Variants in CFAP299 observed in about 807,000 individuals in gnomAD.
CFAP299 encodes cilia and flagella associated protein 299.
CFAP299 carries 21 observed loss-of-function variants against 27.0 expected under a neutral mutation model. The ratio of observed to expected loss-of-function variants is 0.78; its 90% CI spans 0.55 to 1.12. The LOEUF (loss-of-function observed/expected upper bound fraction) is 1.12, where lower values mean the gene tolerates loss of function less well. Ranked by LOEUF, CFAP299 falls within the 50% of genes most tolerant of loss-of-function variation. The pLI, the probability that CFAP299 is intolerant of heterozygous loss-of-function variation, is 0.00. For synonymous variants in CFAP299, 104 were observed against 98.1 expected, an observed-to-expected ratio of 1.06 and a Z score of -0.36; for missense variants, 310 against 276.6, an observed-to-expected ratio of 1.12 and a Z score of -0.86.
chr4:80,340,491 T>C (rs1295030806), intron 1 of CFAP299, among the ~76,000 whole-genome samples: 1 of 152,106 alleles, frequency 6.6e-6, no homozygotes, highest in African/African-American at 2.4e-5. Context: ...CTCTAGGAGA[T>C]TCAGGGAGTC....
intron 2 of CFAP299, among the ~76,000 whole-genome samples, chr4:80,549,528 A>C (rs1734399782): frequency 6.6e-6 from 1 of 152,170 alleles, no homozygotes; most frequent in African/African-American, 2.4e-5. Flanking sequence ...TTTTAGAAAC[A>C]CTGGGTTAAG....
rs146508488 is a variant in CFAP299, at chr4:80,403,255, A to G, written c.242+40371A>G. Among the ~76,000 whole-genome samples the G allele has an allele frequency of 6.2e-3, 940 of 152,354 alleles. 2 individuals are homozygous for G. Among genetic ancestry groups the G allele is most frequent in the Middle Eastern group, 0.024 (7 of 294 alleles). On this transcript the variant is annotated intron_variant, in intron 2 of 5. Coordinates refer to ENST00000358105, the MANE Select transcript of CFAP299 (RefSeq NM_152770.3). ...AGTAGTCTTGGAGAAGCTCACAACA[A>G]TAAATAAATTTGTTTACATAAGTGC...
chr4:80,789,018 G>T (rs977300283), intron 3 of CFAP299, among the ~76,000 whole-genome samples: 9 of 152,036 alleles, frequency 5.9e-5, no homozygotes. Context: ...TCACTTGAGG[G>T]TTGCTGAAAT....
chr4:80,653,189 T>C (rs1355365317), intron 3 of CFAP299, among the ~76,000 whole-genome samples: 1 of 152,110 alleles, frequency 6.6e-6, no homozygotes, highest in Non-Finnish European at 1.5e-5. Context: ...TTCATACTTA[T>C]CCAAAACCTC....
rs141103842 is a variant in CFAP299, at chr4:80,862,021, C to G, written c.334-7972C>G. Among the ~76,000 whole-genome samples the G allele has an allele frequency of 3.7e-3, 557 of 152,180 alleles. 3 individuals carry two copies. The highest frequency in any genetic ancestry group is 0.013 in the African/African-American group (542 of 41,512). On this transcript the variant is annotated intron_variant, in intron 3 of 5. Coordinates refer to ENST00000358105, the MANE Select transcript of CFAP299 (RefSeq NM_152770.3). Reference sequence around the variant, plus strand: ...TGGACATCCTAGAACATTTTGGATACTAATATTGAGACAAGATATTCTTAA... The same window carrying G: ...TGGACATCCTAGAACATTTTGGATAGTAATATTGAGACAAGATATTCTTAA...
intron 2 of CFAP299, among the ~76,000 whole-genome samples, chr4:80,487,974 C>T (rs983402684): frequency 2.0e-5 from 3 of 152,132 alleles, no homozygotes; most frequent in Non-Finnish European, 4.4e-5. Context: ...TAGCATATAG[C>T]ACCTCCAAAT....
At chr4:80,497,134 G>T (rs1731490411) in intron 2 of CFAP299, among the ~76,000 whole-genome samples, 1 of 152,108 alleles carries the variant, frequency 6.6e-6, no homozygotes, top group Non-Finnish European at 1.5e-5. Context: ...AACAGGCATG[G>T]TGGCACACAC....
intron 5 of CFAP299, among the ~76,000 whole-genome samples, chr4:80,952,668 T>A (rs1737844057): frequency 6.6e-6 from 1 of 152,192 alleles, no homozygotes; most frequent in Non-Finnish European, 1.5e-5. Context: ...AAATTAAAAA[T>A]AAATTCAACT....
At chr4:80,559,127 T>G (rs1181278911) in intron 2 of CFAP299, among the ~76,000 whole-genome samples, 1 of 152,154 alleles carries the variant, frequency 6.6e-6, no homozygotes, top group East Asian at 1.9e-4. Context: ...CTTCTTTAGT[T>G]ATATATCTCC....
chr4:80,875,664 C>CAAA (rs199860402), intron 4 of CFAP299, among the ~76,000 whole-genome samples: 2 of 90,786 alleles, frequency 2.2e-5, no homozygotes, highest in African/African-American at 3.7e-5. Flanking sequence ...AACTCTGTCT[C>CAAA]AAAAAAAAAA....
intron 3 of CFAP299, among the ~76,000 whole-genome samples, chr4:80,735,134 G>A (rs1202039636): frequency 2.0e-5 from 3 of 151,942 alleles, no homozygotes. Context: ...TTTCACCAGT[G>A]TTTTATAATT....
Position 80,460,847 on chromosome 4 carries a change from A to T in CFAP299, c.242+97963A>T, listed in dbSNP as rs151305475. Among the ~76,000 whole-genome samples, 444 of 152,320 alleles carry T rather than the reference A, an allele frequency of 2.9e-3. 4 individuals are homozygous for T. The highest frequency in any genetic ancestry group is 0.01 in the African/African-American group (428 of 41,574). On this transcript the variant is annotated intron_variant, in intron 2 of 5. Transcript: ENST00000358105. ...GTCAAACTCTGTAAAATATTTGAAG[A>T]GACTTATTCTGAGCCAAATATGAAT...
intron 3 of CFAP299, among the ~76,000 whole-genome samples, chr4:80,813,210 GCA>G (rs1729246475): frequency 6.6e-6 from 1 of 151,808 alleles, no homozygotes; most frequent in South Asian, 2.1e-4. Flanking sequence ...ACACATATTT[GCA>G]CAGAGAAAAT....
chr4:80,726,787 A>ACC, intron 3 of CFAP299, among the ~76,000 whole-genome samples: 1 of 152,208 alleles, frequency 6.6e-6, no homozygotes. Flanking sequence ...GTTGATTTAA[A>ACC]TTAAATCTGA....
At chr4:80,432,334 G>T (rs1336738817) in intron 2 of CFAP299, among the ~76,000 whole-genome samples, 1 of 151,750 alleles carries the variant, frequency 6.6e-6, no homozygotes, top group Admixed American at 6.6e-5. Context: ...GTATTTTTTA[G>T]TAGAGACGGG....
At chr4:80,479,116 A>C (rs2110125042) in intron 2 of CFAP299, among the ~76,000 whole-genome samples, 1 of 152,140 alleles carries the variant, frequency 6.6e-6, no homozygotes, top group East Asian at 1.9e-4. Flanking sequence ...AAACCTAAGA[A>C]ATGATATAAC....
intron 5 of CFAP299, among the ~76,000 whole-genome samples, chr4:80,962,843 C>A (rs1405389083): frequency 1.3e-5 from 2 of 151,920 alleles, no homozygotes; most frequent in Non-Finnish European, 2.9e-5. Context: ...CTTTTAGAAT[C>A]ATTTTTTTTC....
intron 3 of CFAP299, among the ~76,000 whole-genome samples, chr4:80,601,713 G>C (rs964950564): frequency 6.6e-6 from 1 of 152,070 alleles, no homozygotes; most frequent in Admixed American, 6.6e-5. Context: ...GCTTGATCCG[G>C]GTGAGATAAG....
intron 4 of CFAP299, chr4:80,872,875 CTT>C (rs1733174187): frequency 2.1e-6 from 2 of 953,548 alleles, no homozygotes; most frequent in African/African-American, 3.6e-5. Context: ...TCCTTTGCCT[CTT>C]ATGTGTATTT....
Sources: gnomAD v4.1 joint callset for allele counts (sites outside exome capture counted in the v4.1 genomes callset) on GRCh38, gnomAD v4.1.1 for gene constraint, MANE v1.5 for transcripts, NCBI Gene and HGNC (gene_info 2026-07-23, HGNC 2026-07-21) for gene names.